Variants in TGS1 observed in about 807,000 individuals in gnomAD.
TGS1 encodes the protein trimethylguanosine synthase.
TGS1 carries 69 observed loss-of-function variants against 92.2 expected under a neutral mutation model. That is an observed-to-expected ratio of 0.75 (90% CI 0.62 to 0.91). The LOEUF (loss-of-function observed/expected upper bound fraction) is 0.91. TGS1 is among the 40% of genes least tolerant of loss of function. The pLI is 0.00. For missense variants in TGS1, 1,062 were observed against 1,001.2 expected (o/e 1.06, Z -0.82); for synonymous variants, 345 against 338.1 (o/e 1.02, Z -0.22).
At position 55,795,854 on chromosome 8, in the gene TGS1, A is replaced by ATC. The variant is rs1318452131; in HGVS notation, c.1368-124_1368-123insTC. The ATC allele has an allele frequency of 4.6e-5, 35 of 755,896 alleles. No homozygotes were observed. In the African/African-American group the frequency reaches 4.7e-4, roughly 10 times the overall value. 46.8% of individuals were successfully genotyped at this position (755,896 alleles called of 1,614,324 possible). A position where few individuals can be genotyped will look rare whatever the true frequency, so the allele number is the denominator to read the frequency against. ...TTGAACTTGATTTTATCATTTTCAT[A>ATC]ATTTTAAAAAGGGAATTAAAATGGT... On this transcript the variant is annotated intron_variant, in intron 6 of 12. Coordinates refer to ENST00000260129, the MANE Select transcript of TGS1 (RefSeq NM_024831.8).
At chr8:55,782,146 CTTTATTTATTTATTTATTTA>C (rs201552456) in intron 1 of TGS1, among the ~76,000 whole-genome samples, 8 of 150,734 alleles carry the variant, frequency 5.3e-5, no homozygotes, top group Admixed American at 1.3e-4. Context: ...AGAACTTACA[CTTTATTTATTTATTTATTTA>C]TTTATTTATT....
intron 5 of TGS1, among the ~76,000 whole-genome samples, chr8:55,790,826 A>C (rs1425933476): frequency 2.0e-5 from 3 of 152,114 alleles, no homozygotes; most frequent in Admixed American, 6.6e-5. Context: ...GCCTAAGTAC[A>C]TTTCTTAATT....
chr8:55,801,658 A>C (rs1175787468), intron 8 of TGS1, among the ~76,000 whole-genome samples: 4 of 128,338 alleles, frequency 3.1e-5, no homozygotes, highest in Non-Finnish European at 1.5e-5. Flanking sequence ...GTGCAATCTC[A>C]GCTCACTGCA....
In TGS1 at chr8:55,810,898, G is replaced by C; in HGVS notation, c.2161G>C (p.Asp721His). The C allele has an allele frequency of 6.2e-7, 1 of 1,613,696 alleles. No homozygotes were observed. The highest frequency in any genetic ancestry group is 1.7e-5 in the Admixed American group (1 of 59,984). ...TGMRVIAIDI[D>H]PVKIALARNN... ...ACTTTTAGTGATTGCCATTGATATC[G>C]ATCCTGTTAAGATTGCCCTTGCTCG... Residue 721 changes from aspartate (D) to histidine (H), a missense_variant, in exon 11 of 13, where the codon GAT (aspartate) becomes CAT (histidine). Coordinates refer to ENST00000260129, the MANE Select transcript of TGS1 (RefSeq NM_024831.8).
chr8:55,792,833 A>G lies in TGS1; in HGVS notation c.1367+49A>G, dbSNP rs367972230. The G allele has an allele frequency of 1.9e-4, 240 of 1,251,936 alleles. 1 individual carries two copies. The highest frequency in any genetic ancestry group is 3.0e-4 in the Admixed American group (18 of 59,158). 77.6% of individuals were successfully genotyped at this position (1,251,936 alleles called of 1,614,324 possible). On this transcript the variant is annotated intron_variant, in intron 6 of 12. Transcript: ENST00000260129. ...TTTTCCAGAAGTCCTAACCACTTCAACTATCTTAGAGCACTCTGATACTCA... is the reference window on the plus strand; with the variant it reads ...TTTTCCAGAAGTCCTAACCACTTCAGCTATCTTAGAGCACTCTGATACTCA...
chr8:55,816,448 C>T (rs74814284), intron 12 of TGS1, among the ~76,000 whole-genome samples: 2,269 of 152,252 alleles, frequency 0.015, 64 homozygotes, highest in African/African-American at 0.051. Context: ...GTCTGCTGGT[C>T]TGTTTGATAT....
At chr8:55,780,499 C>A (rs142025670) in intron 1 of TGS1, among the ~76,000 whole-genome samples, 1 of 152,248 alleles carries the variant, frequency 6.6e-6, no homozygotes, top group East Asian at 1.9e-4. Context: ...AGACAGTATA[C>A]CATCATGGGT....
At chr8:55,823,506 T>G (rs941972714) in intron 12 of TGS1, among the ~76,000 whole-genome samples, 3 of 152,102 alleles carry the variant, frequency 2.0e-5, no homozygotes, top group Middle Eastern at 3.2e-3. Context: ...GTAGAAAGCA[T>G]TTAAAATACA....
intron 8 of TGS1, 88 bp downstream of exon 8, chr8:55,799,308 C>A: frequency 8.1e-7 from 1 of 1,241,634 alleles, no homozygotes; most frequent in Non-Finnish European, 1.1e-6. Flanking sequence ...ACTTGTGAAT[C>A]TTCTGTACCT....
In TGS1 at chr8:55,815,295, A is replaced by C. The variant is rs138197801; in HGVS notation, c.2439+2177A>C. 1.5e-3 allele frequency among the ~76,000 whole-genome samples: 233 copies of C among 152,354 alleles called. 1 individual carries two copies. The highest frequency in any genetic ancestry group is 5.4e-3 in the African/African-American group (225 of 41,584). ...ATGACACTAGGGAATAATGAAACCA[A>C]GAAAGACTGATGAGATTTCAAGTGT... On this transcript the variant is annotated intron_variant, in intron 12 of 12. Transcript: ENST00000260129.
At chr8:55,798,173 C>G (rs1019000372) in intron 7 of TGS1, among the ~76,000 whole-genome samples, 1 of 152,190 alleles carries the variant, frequency 6.6e-6, no homozygotes, top group Non-Finnish European at 1.5e-5. Flanking sequence ...TATTTATAGG[C>G]ACATTTCTTT....
In TGS1 at chr8:55,796,096, T is replaced by C; in HGVS notation, c.1486T>C (p.Phe496Leu). ...AATAAAGATGAAAAACAAACACATC[T>C]TCTTTACCAAAGAGTCAGAAAAACC... is the stretch of plus-strand genomic sequence containing the variant. ...RQIKMKNKHI[F>L]FTKESEKPFF... Residue 496 changes from phenylalanine (F) to leucine (L), a missense_variant, in exon 7 of 13, where the codon TTC becomes CTC. By Grantham distance (22) the Phe-to-Leu change is conservative. Coordinates refer to ENST00000260129, the MANE Select transcript of TGS1 (RefSeq NM_024831.8). The C allele has an allele frequency of 6.2e-7, 1 of 1,613,322 alleles. No individual in the cohort carries two copies. The highest frequency in any genetic ancestry group is 8.5e-7 in the Non-Finnish European group (1 of 1,179,470).
At chr8:55,791,278 ACT>A (rs1350917649) in intron 5 of TGS1, among the ~76,000 whole-genome samples, 2 of 152,040 alleles carry the variant, frequency 1.3e-5, no homozygotes, top group East Asian at 1.9e-4. Context: ...GCCATGAAAG[ACT>A]CTCATGCACT....
In TGS1 at chr8:55,786,969, C is replaced by T; in HGVS notation, c.1071C>T (p.Cys357=). The stretch of plus-strand genomic sequence containing the variant: ...GTGAAGTTAGTAGCAAAAGAGAGTG[C>T]CCTGCTTCCGGCCAAAGTGAACCAC... The part of the protein sequence containing the change: ...QLSEVSSKRE[C]PASGQSEPRN... Residue 357 remains cysteine, a synonymous_variant, in exon 4 of 13, where the codon TGC becomes TGT. Transcript: ENST00000260129. The T allele has an allele frequency of 6.2e-7, 1 of 1,614,088 alleles. No homozygotes were observed. The highest frequency in any genetic ancestry group is 8.5e-7 in the Non-Finnish European group (1 of 1,180,010).
intron 7 of TGS1, among the ~76,000 whole-genome samples, chr8:55,798,256 T>C (rs746600139): frequency 3.3e-5 from 5 of 152,218 alleles, no homozygotes; most frequent in African/African-American, 4.8e-5. Flanking sequence ...AGGAAGGTCA[T>C]GAAGACAAGA....
intron 12 of TGS1, among the ~76,000 whole-genome samples, chr8:55,813,346 T>C (rs932894595): frequency 2.6e-5 from 4 of 152,240 alleles, no homozygotes; most frequent in Non-Finnish European, 4.4e-5. Flanking sequence ...CTCTAGGCTT[T>C]GACTAGACAT....
At chr8:55,813,707 A>G (rs1395019909) in intron 12 of TGS1, among the ~76,000 whole-genome samples, 1 of 151,954 alleles carries the variant, frequency 6.6e-6, no homozygotes, top group Non-Finnish European at 1.5e-5. Context: ...TATTTCTTCA[A>G]CTATGTTCTC....
intron 12 of TGS1, among the ~76,000 whole-genome samples, chr8:55,822,076 CT>C (rs1323862618): frequency 0.015 from 2,219 of 144,450 alleles, 57 homozygotes; most frequent in African/African-American, 0.05. Context: ...TTCTTTCTTT[CT>C]TTTTTTTTTT....
At chr8:55,806,454 A>G (rs1489106497) in intron 10 of TGS1, among the ~76,000 whole-genome samples, 1 of 151,682 alleles carries the variant, frequency 6.6e-6, no homozygotes, top group East Asian at 1.9e-4. Flanking sequence ...TTTACTTAGT[A>G]ACAATTTTTT....
Sources: gnomAD v4.1 joint callset for allele counts (sites outside exome capture counted in the v4.1 genomes callset) on GRCh38, gnomAD v4.1.1 for gene constraint, MANE v1.5 for transcripts, NCBI Gene and HGNC (gene_info 2026-07-23, HGNC 2026-07-21) for gene names.